Variants in SUMO2 observed in about 807,000 individuals in gnomAD.
SUMO2 encodes small ubiquitin like modifier 2, also known as small ubiquitin-related modifier 2.
A neutral mutation model predicts 16.0 loss-of-function variants in SUMO2; 1 was observed. The ratio of observed to expected loss-of-function variants is 0.06; its 90% CI spans 0.02 to 0.30. The LOEUF is 0.30. SUMO2 is among the 10% of genes least tolerant of loss of function. SUMO2 has a pLI of 1.00. For synonymous variants in SUMO2, 36 were observed against 40.6 expected (o/e 0.89, Z 0.43); for missense variants, 16 against 117.5 (o/e 0.14, Z 3.99).
intron 3 of SUMO2, among the ~76,000 whole-genome samples, chr17:75,171,497 G>A (rs2074738317): frequency 6.6e-6 from 1 of 151,594 alleles, no homozygotes; most frequent in Non-Finnish European, 1.5e-5. Context: ...CTGGGAGACA[G>A]GGCAAAACTC....
chr17:75,181,426 A>C (rs184521562), intron 1 of SUMO2, among the ~76,000 whole-genome samples: 3 of 152,160 alleles, frequency 2.0e-5, no homozygotes, highest in Non-Finnish European at 4.4e-5. Flanking sequence ...CAGTAGCAAC[A>C]ATATGTTTAA....
intron 3 of SUMO2, among the ~76,000 whole-genome samples, chr17:75,171,612 A>G (rs915249913): frequency 2.0e-5 from 3 of 152,164 alleles, no homozygotes; most frequent in Admixed American, 1.3e-4. Flanking sequence ...TGGGAGAATA[A>G]TTCTAAAACG....
intron 3 of SUMO2, among the ~76,000 whole-genome samples, chr17:75,172,793 T>G (rs1340069186): frequency 6.6e-6 from 1 of 152,036 alleles, no homozygotes; most frequent in African/African-American, 2.4e-5. Flanking sequence ...CTAATTTTTG[T>G]ATTTTTTGGC....
At chr17:75,171,768 G>C (rs1012597302) in intron 3 of SUMO2, among the ~76,000 whole-genome samples, 4 of 152,062 alleles carry the variant, frequency 2.6e-5, no homozygotes, top group Non-Finnish European at 5.9e-5. Flanking sequence ...CGTTTTAGTG[G>C]TGGGTAAGGA....
intron 1 of SUMO2, 156 bp downstream of exon 1, chr17:75,182,658 G>A (rs2074838911): frequency 8.3e-6 from 4 of 482,062 alleles, no homozygotes; most frequent in African/African-American, 2.1e-5. Context: ...GAGAGGGAGG[G>A]AGGAAAATGG....
chr17:75,179,484 C>CACTA (rs2074809756), intron 2 of SUMO2, among the ~76,000 whole-genome samples: 1 of 145,806 alleles, frequency 6.9e-6, no homozygotes, highest in South Asian at 2.1e-4. Flanking sequence ...GTCGAGATTG[C>CACTA]ACTACTGCAC....
At chr17:75,180,175 G>A (rs144021612) in intron 2 of SUMO2, among the ~76,000 whole-genome samples, 7 of 150,964 alleles carry the variant, frequency 4.6e-5, no homozygotes, top group African/African-American at 1.2e-4. Flanking sequence ...TTAGCCGGGC[G>A]TGGTGGCGCA....
intron 3 of SUMO2, 31 bp from the exon 4 acceptor site, chr17:75,168,432 C>T (rs1365646935): frequency 6.3e-7 from 1 of 1,575,004 alleles, no homozygotes; most frequent in South Asian, 1.2e-5. Flanking sequence ...AATGTAAAAG[C>T]ACTGATTAAG....
In SUMO2 at chr17:75,167,627, T is replaced by C. The variant is rs1336597263; in HGVS notation, c.*712A>G. On this transcript the variant is annotated 3_prime_UTR_variant, in exon 4 of 4. Transcript: ENST00000420826. ...GTATCAGTCTGTCAGAAACACCAAG[T>C]AGCTTTATTTCCTTCTTGAAATGTT... The C allele has an allele frequency of 2.0e-5, 3 of 152,334 alleles. No individual in the cohort carries two copies. The highest frequency in any genetic ancestry group is 7.2e-5 in the African/African-American group (3 of 41,472). The allele number at this position is 152,334 out of a possible 1,614,324, so 9.4% of individuals were successfully genotyped here.
At chr17:75,181,435 A>G (rs1422925084) in intron 1 of SUMO2, among the ~76,000 whole-genome samples, 3 of 152,192 alleles carry the variant, frequency 2.0e-5, no homozygotes, top group East Asian at 3.8e-4. Context: ...CAATATGTTT[A>G]AAGTTGGGTC....
chr17:75,179,301 G>A (rs1021638023), intron 2 of SUMO2, among the ~76,000 whole-genome samples: 1 of 152,186 alleles, frequency 6.6e-6, no homozygotes, highest in African/African-American at 2.4e-5. Flanking sequence ...GGATGAGGCA[G>A]GTGGATCACC....
chr17:75,176,211 T>C (rs561125048), intron 2 of SUMO2, among the ~76,000 whole-genome samples: 18 of 152,226 alleles, frequency 1.2e-4, no homozygotes, highest in African/African-American at 4.3e-4. Context: ...GGCTAATTTT[T>C]TGTATTTTAG....
At chr17:75,171,035 C>T (rs1241819236) in intron 3 of SUMO2, among the ~76,000 whole-genome samples, 1 of 150,276 alleles carries the variant, frequency 6.7e-6, no homozygotes, top group Non-Finnish European at 1.5e-5. Flanking sequence ...GGTGCACTGA[C>T]TATATAAGTT....
In SUMO2 at chr17:75,166,541, C is replaced by A. The variant is rs1481850218; in HGVS notation, c.*1798G>T. 6.6e-6 allele frequency: 1 copy of A among 152,180 alleles called. No individual in the cohort carries two copies. Among genetic ancestry groups the A allele is most frequent in the Non-Finnish European group, 1.5e-5 (1 of 68,048 alleles). The allele number at this position is 152,180 out of a possible 1,614,324, so 9.4% of individuals were successfully genotyped here. A position where few individuals can be genotyped will look rare whatever the true frequency, so the allele number is the denominator to read the frequency against. On this transcript the variant is annotated 3_prime_UTR_variant, in exon 4 of 4. Coordinates refer to ENST00000420826, the MANE Select transcript of SUMO2 (RefSeq NM_006937.4). ...TAGTGGCTCACGCCTGTAAACCCAG[C>A]ACATTGGGAGGCTAAGGCAGATAGA...
intron 2 of SUMO2, among the ~76,000 whole-genome samples, chr17:75,180,096 T>A (rs1415950831): frequency 6.6e-6 from 1 of 152,042 alleles, no homozygotes; most frequent in African/African-American, 2.4e-5. Context: ...ATCCCAGCAC[T>A]CTGAGAGGCC....
Position 75,166,546 on chromosome 17 carries a change from T to C in SUMO2, c.*1793A>G, listed in dbSNP as rs2074694500. The stretch of plus-strand genomic sequence containing the variant: ...GCTCACGCCTGTAAACCCAGCACAT[T>C]GGGAGGCTAAGGCAGATAGATCACT... On this transcript the variant is annotated 3_prime_UTR_variant, in exon 4 of 4. Coordinates refer to ENST00000420826, the MANE Select transcript of SUMO2 (RefSeq NM_006937.4). 1 of 152,118 alleles carries C rather than the reference T, an allele frequency of 6.6e-6. No individual in the cohort carries two copies. Among genetic ancestry groups the C allele is most frequent in the African/African-American group, 2.4e-5 (1 of 41,436 alleles). The allele number at this position is 152,118 out of a possible 1,614,324, so 9.4% of individuals were successfully genotyped here. A position where few individuals can be genotyped will look rare whatever the true frequency, so the allele number is the denominator to read the frequency against.
chr17:75,182,799 CG>C lies in SUMO2; in HGVS notation c.21+14del. The C allele has an allele frequency of 7.3e-7, 1 of 1,377,706 alleles. No individual in the cohort carries two copies. Among genetic ancestry groups the C allele is most frequent in the Non-Finnish European group, 9.5e-7 (1 of 1,057,882 alleles). The allele number at this position is 1,377,706 out of a possible 1,614,324, so 85.3% of individuals were successfully genotyped here. On this transcript the variant is annotated intron_variant, in intron 1 of 3. Coordinates refer to ENST00000420826, the MANE Select transcript of SUMO2 (RefSeq NM_006937.4). ...CCACCGCGCGGCGAGGCGAAGGGGCCGGCGGCGAGCTCACCTTGGGCTTTTC... is the reference window on the plus strand; with the variant it reads ...CCACCGCGCGGCGAGGCGAAGGGGCCGCGGCGAGCTCACCTTGGGCTTTTC...
intron 3 of SUMO2, among the ~76,000 whole-genome samples, chr17:75,174,119 T>G (rs2074763387): frequency 6.6e-6 from 1 of 152,200 alleles, no homozygotes; most frequent in African/African-American, 2.4e-5. Context: ...CTGGGTGCGG[T>G]GGCTCACACC....
At chr17:75,172,076 C>T (rs1424162756) in intron 3 of SUMO2, among the ~76,000 whole-genome samples, 1 of 151,422 alleles carries the variant, frequency 6.6e-6, no homozygotes, top group African/African-American at 2.4e-5. Context: ...GCATGACCTC[C>T]GCGCTCACTG....
Sources: allele counts gnomAD v4.1 joint callset (sites outside exome capture counted in the v4.1 genomes callset), GRCh38; gene constraint gnomAD v4.1.1; transcripts MANE v1.5; gene names NCBI Gene and HGNC (gene_info 2026-07-23, HGNC 2026-07-21).